The following CLCN3 variants were observed in gnomAD, a reference collection of about 807,000 sequenced individuals.
The protein encoded by CLCN3 is Cl-/H+ antiporter 3.
In CLCN3, 16 loss-of-function variants were observed where a neutral mutation model predicts 83.4. The observed-to-expected ratio is 0.19, with a 90% confidence interval of 0.13 to 0.29. The LOEUF (loss-of-function observed/expected upper bound fraction) is 0.29, where lower values mean the gene tolerates loss of function less well. Ranked by LOEUF, CLCN3 falls within the 10% of genes least tolerant of loss-of-function variation. The pLI, the probability that CLCN3 is intolerant of heterozygous loss-of-function variation, is 1.00. For synonymous variants in CLCN3, 322 were observed against 346.2 expected (o/e 0.93, Z 0.78); for missense variants, 544 against 1,006.0 (o/e 0.54, Z 6.21).
chr4:169,666,808 C>T (rs1195458503), intron 2 of CLCN3, among the ~76,000 whole-genome samples: 1 of 152,174 alleles, frequency 6.6e-6, no homozygotes, highest in African/African-American at 2.4e-5. Flanking sequence ...TAACTCTTGA[C>T]ACCTTGTTTT....
intron 2 of CLCN3, among the ~76,000 whole-genome samples, chr4:169,671,611 A>T (rs934015362): frequency 5.3e-5 from 8 of 150,974 alleles, no homozygotes; most frequent in East Asian, 1.9e-4. Context: ...ACTTAAATTT[A>T]AAAAAAAAGA....
intron 2 of CLCN3, among the ~76,000 whole-genome samples, chr4:169,641,543 T>C (rs998230514): frequency 8.5e-5 from 13 of 152,244 alleles, no homozygotes; most frequent in African/African-American, 3.1e-4. Flanking sequence ...GAGATTCCAG[T>C]ATTTTCATTC....
chr4:169,666,853 A>C lies in CLCN3; in HGVS notation c.161-13197A>C, dbSNP rs1167723174. 3.3e-5 allele frequency among the ~76,000 whole-genome samples: 5 copies of C among 152,310 alleles called. No individual in the cohort carries two copies. The East Asian group carries it at 9.6e-4, about 29-fold the overall frequency. On this transcript the variant is annotated intron_variant, in intron 2 of 12. Coordinates refer to ENST00000513761, the MANE Select transcript of CLCN3 (RefSeq NM_001829.4). The stretch of plus-strand genomic sequence containing the variant: ...TAAAGTGGAGATAATAATATCTGTC[A>C]CATTGTGTTGTTGTGAGGATTATAT...
intron 2 of CLCN3, among the ~76,000 whole-genome samples, chr4:169,638,104 C>T (rs569498040): frequency 9.2e-5 from 14 of 152,166 alleles, no homozygotes; most frequent in Admixed American, 9.2e-4. Context: ...TTCTGTTTGT[C>T]ACATCTGTTC....
intron 1 of CLCN3, among the ~76,000 whole-genome samples, chr4:169,633,725 T>G (rs1773438973): frequency 6.6e-6 from 1 of 152,242 alleles, no homozygotes. Context: ...TATATTTTAT[T>G]TAACCCAATG....
chr4:169,631,387 C>A (rs563340842), intron 1 of CLCN3, among the ~76,000 whole-genome samples: 2 of 152,086 alleles, frequency 1.3e-5, no homozygotes, highest in South Asian at 4.1e-4. Context: ...CCTGGTTTCA[C>A]GCCATTCTCC....
chr4:169,670,470 T>C (rs562918142), intron 2 of CLCN3, among the ~76,000 whole-genome samples: 5 of 152,182 alleles, frequency 3.3e-5, no homozygotes, highest in Non-Finnish European at 7.3e-5. Context: ...GTTCCGTTGG[T>C]CTGTATATGT....
intron 2 of CLCN3, chr4:169,660,451 AATACTATCCCCTTGCTGTGAATT>A: frequency 7.5e-7 from 1 of 1,336,006 alleles, no homozygotes; most frequent in Non-Finnish European, 9.5e-7. Context: ...TAAAAGAGGT[AATACTATCCCCTTGCTGTGAATT>A]CTCTGTTGGT....
chr4:169,635,703 T>C (rs1291233785), intron 1 of CLCN3, among the ~76,000 whole-genome samples: 2 of 152,128 alleles, frequency 1.3e-5, no homozygotes, highest in Non-Finnish European at 1.5e-5. Context: ...GAGATCTACC[T>C]GGAGAAATTC....
chr4:169,651,406 A>G (rs1280928717), intron 2 of CLCN3, among the ~76,000 whole-genome samples: 1 of 152,132 alleles, frequency 6.6e-6, no homozygotes, highest in Admixed American at 6.6e-5. Context: ...GTTATGTGCT[A>G]AACCTGTAAA....
intron 2 of CLCN3, among the ~76,000 whole-genome samples, chr4:169,641,080 A>G (rs1285969785): frequency 6.6e-6 from 1 of 152,128 alleles, no homozygotes; most frequent in Non-Finnish European, 1.5e-5. Context: ...TTTCCTATCT[A>G]TACATAACTT....
At chr4:169,698,618 T>A (rs975636991) in intron 9 of CLCN3, among the ~76,000 whole-genome samples, 10 of 152,220 alleles carry the variant, frequency 6.6e-5, no homozygotes, top group African/African-American at 2.4e-4. Flanking sequence ...ATACACTTGC[T>A]GGGACAAGTG....
At chr4:169,699,941 T>A (rs1283231267) in intron 9 of CLCN3, among the ~76,000 whole-genome samples, 2 of 152,078 alleles carry the variant, frequency 1.3e-5, no homozygotes, top group African/African-American at 4.8e-5. Flanking sequence ...CATTTTACCT[T>A]TTTTTCTTAG....
intron 1 of CLCN3, 42 bp from the exon 2 acceptor site, chr4:169,635,871 G>T: frequency 2.1e-6 from 3 of 1,436,942 alleles, no homozygotes; most frequent in Non-Finnish European, 2.8e-6. Context: ...GATTTTTATT[G>T]TATGTTTGAA....
chr4:169,624,077 A>G (rs1773170717), intron 1 of CLCN3, among the ~76,000 whole-genome samples: 1 of 152,170 alleles, frequency 6.6e-6, no homozygotes, highest in African/African-American at 2.4e-5. Context: ...ACTTGATTTA[A>G]ACTGAACCTT....
At chr4:169,681,746 C>T (rs772708310) in intron 3 of CLCN3, among the ~76,000 whole-genome samples, 1 of 151,916 alleles carries the variant, frequency 6.6e-6, no homozygotes, top group Non-Finnish European at 1.5e-5. Context: ...GTAACAAAAC[C>T]CATTACATGT....
At chr4:169,645,571 G>A (rs1020158457) in intron 2 of CLCN3, among the ~76,000 whole-genome samples, 1 of 152,142 alleles carries the variant, frequency 6.6e-6, no homozygotes, top group African/African-American at 2.4e-5. Flanking sequence ...GTTTAAACTT[G>A]ATGTATAACT....
intron 2 of CLCN3, among the ~76,000 whole-genome samples, chr4:169,653,231 T>C (rs1730776787): frequency 6.6e-6 from 1 of 151,976 alleles, no homozygotes. Context: ...ATCTGATTTG[T>C]ATATGTGTGT....
chr4:169,658,575 A>G (rs549192864), intron 2 of CLCN3, among the ~76,000 whole-genome samples: 1 of 152,252 alleles, frequency 6.6e-6, no homozygotes, highest in East Asian at 1.9e-4. Context: ...CATATAAAAG[A>G]ACCACACACT....
Sources: gnomAD v4.1 joint callset for allele counts (sites outside exome capture counted in the v4.1 genomes callset) on GRCh38, gnomAD v4.1.1 for gene constraint, MANE v1.5 for transcripts, NCBI Gene and HGNC (gene_info 2026-07-23, HGNC 2026-07-21) for gene names.